The following PTER variants were observed in gnomAD, a reference collection of about 807,000 sequenced individuals.
PTER encodes N-acetyltaurine hydrolase.
PTER carries 38 observed loss-of-function variants against 29.6 expected under a neutral mutation model. The observed-to-expected ratio is 1.28, with a 90% CI of 0.99 to 1.68. PTER has a LOEUF of 1.68. Among genes scored for constraint, PTER ranks in the 40% most tolerant of loss-of-function variants. The pLI is 0.00. For synonymous variants in PTER, 172 were observed against 154.5 expected (o/e 1.11, Z -0.84); for missense variants, 482 against 427.8 (o/e 1.13, Z -1.12).
intron 1 of PTER, among the ~76,000 whole-genome samples, chr10:16,452,647 C>G (rs1834255947): frequency 6.6e-6 from 1 of 151,920 alleles, no homozygotes; most frequent in Non-Finnish European, 1.5e-5. Context: ...TCTTCCTCTT[C>G]TTCTTCTCCT....
intron 1 of PTER, among the ~76,000 whole-genome samples, chr10:16,474,713 C>T (rs1476109083): frequency 6.6e-6 from 1 of 152,028 alleles, no homozygotes; most frequent in Non-Finnish European, 1.5e-5. Context: ...TGGTGAAACT[C>T]CGTCTCCGCT....
intron 3 of PTER, among the ~76,000 whole-genome samples, chr10:16,487,982 GA>G (rs927871873): frequency 4.0e-5 from 6 of 148,810 alleles, no homozygotes; most frequent in African/African-American, 7.4e-5. Flanking sequence ...CCTGTCTCAA[GA>G]AAAAAAAAAT....
chr10:16,475,528 G>A (rs1406728221), intron 1 of PTER, among the ~76,000 whole-genome samples: 2 of 152,068 alleles, frequency 1.3e-5, no homozygotes, highest in Non-Finnish European at 2.9e-5. Flanking sequence ...CAATGATATG[G>A]GTCCCAAACT....
chr10:16,494,365 C>T (rs1023245004), intron 3 of PTER, among the ~76,000 whole-genome samples: 6 of 152,278 alleles, frequency 3.9e-5, no homozygotes, highest in South Asian at 2.1e-4. Flanking sequence ...GAAAGGGTGA[C>T]GTCACTCCTT....
intron 1 of PTER, among the ~76,000 whole-genome samples, chr10:16,475,787 G>A (rs1835239225): frequency 6.6e-6 from 1 of 152,172 alleles, no homozygotes; most frequent in Non-Finnish European, 1.5e-5. Flanking sequence ...CTAATGAGTT[G>A]TGATGTCAAT....
intron 1 of PTER, among the ~76,000 whole-genome samples, chr10:16,480,091 G>A (rs1273150159): frequency 6.7e-6 from 1 of 148,498 alleles, no homozygotes; most frequent in Non-Finnish European, 1.5e-5. Context: ...ATGAAACAAG[G>A]GATGTATGAT....
chr10:16,446,707 C>G (rs1181549129), intron 1 of PTER, among the ~76,000 whole-genome samples: 2 of 152,092 alleles, frequency 1.3e-5, no homozygotes, highest in Non-Finnish European at 2.9e-5. Flanking sequence ...GGTCAAAACG[C>G]TTAATTTCTT....
chr10:16,484,257 C>G (rs1478406961), intron 1 of PTER, 80 bp from the exon 2 acceptor site: 8 of 914,020 alleles, frequency 8.8e-6, no homozygotes, highest in Non-Finnish European at 1.3e-5. Flanking sequence ...TGTTCACAGC[C>G]TCCCACCCCT....
At chr10:16,471,856 C>G (rs1835067624) in intron 1 of PTER, among the ~76,000 whole-genome samples, 1 of 152,148 alleles carries the variant, frequency 6.6e-6, no homozygotes, top group African/African-American at 2.4e-5. Context: ...TTACACATGT[C>G]TAAATATTCT....
chr10:16,464,333 C>T (rs1834730352), intron 1 of PTER, among the ~76,000 whole-genome samples: 1 of 152,172 alleles, frequency 6.6e-6, no homozygotes, highest in Admixed American at 6.5e-5. Context: ...TGTCAATAAA[C>T]ACAATCGAGA....
chr10:16,480,221 G>A (rs1285074416), intron 1 of PTER, among the ~76,000 whole-genome samples: 10 of 141,608 alleles, frequency 7.1e-5, no homozygotes, highest in Admixed American at 5.1e-4. Context: ...ATAGAGTCTC[G>A]CTCTGTTGTC....
intron 1 of PTER, among the ~76,000 whole-genome samples, chr10:16,461,046 A>G (rs1030564180): frequency 6.6e-6 from 1 of 152,216 alleles, no homozygotes; most frequent in Non-Finnish European, 1.5e-5. Flanking sequence ...TATATCGGCA[A>G]TATTGTTAAA....
intron 1 of PTER, among the ~76,000 whole-genome samples, chr10:16,480,284 G>C (rs1013725883): frequency 2.0e-5 from 3 of 150,654 alleles, no homozygotes; most frequent in Admixed American, 6.6e-5. Context: ...CCACCTCCCA[G>C]GTTCAAGCAA....
chr10:16,481,918 C>T (rs1263530620), intron 1 of PTER, among the ~76,000 whole-genome samples: 1 of 152,156 alleles, frequency 6.6e-6, no homozygotes, highest in Non-Finnish European at 1.5e-5. Context: ...AAGGCATGAA[C>T]TACACACTCC....
chr10:16,510,772 A>G (rs1836778749), intron 4 of PTER, among the ~76,000 whole-genome samples: 1 of 152,190 alleles, frequency 6.6e-6, no homozygotes, highest in African/African-American at 2.4e-5. Context: ...TCCTATTAGA[A>G]GCTATCTTTA....
intron 2 of PTER, among the ~76,000 whole-genome samples, chr10:16,486,042 AT>A (rs1324506724): frequency 1.3e-5 from 2 of 151,498 alleles, no homozygotes; most frequent in African/African-American, 2.4e-5. Context: ...TAAGTTACAG[AT>A]TTTTTTTTGC....
intron 1 of PTER, among the ~76,000 whole-genome samples, chr10:16,469,248 G>A (rs992054365): frequency 6.6e-6 from 1 of 152,164 alleles, no homozygotes; most frequent in African/African-American, 2.4e-5. Flanking sequence ...TGCGACAGGG[G>A]AGAAGATAAA....
At chr10:16,448,036 A>G (rs1249053009) in intron 1 of PTER, among the ~76,000 whole-genome samples, 1 of 152,202 alleles carries the variant, frequency 6.6e-6, no homozygotes, top group East Asian at 1.9e-4. Flanking sequence ...AGTTCATGAT[A>G]AGCAGTTCAG....
chr10:16,492,155 T>C (rs1197394509), intron 3 of PTER, among the ~76,000 whole-genome samples: 1 of 152,208 alleles, frequency 6.6e-6, no homozygotes, highest in South Asian at 2.1e-4. Context: ...AATCTGCTTC[T>C]GTGTCTAGGC....
Sources: gnomAD v4.1 joint callset for allele counts (sites outside exome capture counted in the v4.1 genomes callset) on GRCh38, gnomAD v4.1.1 for gene constraint, MANE v1.5 for transcripts, NCBI Gene and HGNC (gene_info 2026-07-23, HGNC 2026-07-21) for gene names.